Variants in XCR1 observed in about 807,000 individuals in gnomAD.
XCR1 encodes the protein X-C motif chemokine receptor 1.
For synonymous variants in XCR1, 187 were observed against 188.5 expected (o/e 0.99, Z 0.06); for missense variants, 356 against 424.2 (o/e 0.84, Z 1.41).
chr3:46,038,308 G>A (rs1450171067), intron 5 of XCR1, among the ~76,000 whole-genome samples: 1 of 152,050 alleles, frequency 6.6e-6, no homozygotes, highest in Non-Finnish European at 1.5e-5. Context: ...ATGAACCACC[G>A]TGCCTGGCCG....
At chr3:46,083,703 GT>G (rs1698419557) in intron 1 of XCR1, among the ~76,000 whole-genome samples, 1 of 152,222 alleles carries the variant, frequency 6.6e-6, no homozygotes, top group Non-Finnish European at 1.5e-5. Flanking sequence ...GACTAAGGTT[GT>G]GCTAGACAAT....
upstream of XCR1, among the ~76,000 whole-genome samples, chr3:46,028,298 G>A (rs1314425335): frequency 6.6e-6 from 1 of 152,166 alleles, no homozygotes; most frequent in Non-Finnish European, 1.5e-5. Flanking sequence ...AGCTGCAACA[G>A]TAGGAGACAG....
Position 46,074,617 on chromosome 3 carries a change from TA to T in XCR1, c.-263+33del, listed in dbSNP as rs530131780. 1.7e-3 allele frequency among the ~76,000 whole-genome samples: 256 copies of T among 152,086 alleles called. 2 individuals are homozygous for T. The highest frequency in any genetic ancestry group is 5.8e-3 in the African/African-American group (240 of 41,480). On this transcript the variant is annotated intron_variant, in intron 3 of 5. Transcript: ENST00000683768. Reference sequence around the variant, plus strand: ...AATTGTACCACTTAAATTTATATTTTAAAAAAAATCATAAGGAAGAAAAATA... The same window carrying T: ...AATTGTACCACTTAAATTTATATTTTAAAAAAATCATAAGGAAGAAAAATA...
At chr3:46,056,636 G>T (rs565484072) in intron 4 of XCR1, among the ~76,000 whole-genome samples, 1 of 146,312 alleles carries the variant, frequency 6.8e-6, no homozygotes, top group Admixed American at 7.0e-5. Flanking sequence ...ACCACACCTG[G>T]CTAATTTTTG....
chr3:46,051,237 C>T (rs1697738081), intron 5 of XCR1, among the ~76,000 whole-genome samples: 1 of 152,164 alleles, frequency 6.6e-6, no homozygotes, highest in African/African-American at 2.4e-5. Context: ...TCATGTTCTT[C>T]AACATTTTAA....
chr3:46,076,412 A>C (rs192408525), intron 2 of XCR1, among the ~76,000 whole-genome samples: 9 of 152,174 alleles, frequency 5.9e-5, no homozygotes, highest in African/African-American at 2.2e-4. Context: ...CTGGCCCCAC[A>C]TTGGCTCAAG....
intron 5 of XCR1, among the ~76,000 whole-genome samples, chr3:46,040,185 T>G (rs1176873445): frequency 6.6e-6 from 1 of 152,118 alleles, no homozygotes. Flanking sequence ...CCTTTTTTAT[T>G]AGGTCTTACT....
At chr3:46,032,985 T>C (rs952589784) in intron 5 of XCR1, among the ~76,000 whole-genome samples, 1 of 152,240 alleles carries the variant, frequency 6.6e-6, no homozygotes, top group African/African-American at 2.4e-5. Flanking sequence ...TGTTTTCTTA[T>C]CATTGAGTTC....
At chr3:46,041,145 A>G (rs1697531230) in intron 5 of XCR1, among the ~76,000 whole-genome samples, 3 of 152,166 alleles carry the variant, frequency 2.0e-5, no homozygotes, top group South Asian at 2.1e-4. Flanking sequence ...GAATTTGTAA[A>G]CTATTTGTGA....
chr3:46,041,294 A>C lies in XCR1; in HGVS notation c.-32+12626T>G, dbSNP rs1697532900. The stretch of plus-strand genomic sequence containing the variant: ...AATGGCCTTGCGAGAGGTTCCAGCA[A>C]AGCCAATTTAGGAGAGCCTATGTGG... On this transcript the variant is annotated intron_variant, in intron 5 of 5. Coordinates refer to the XCR1 transcript ENST00000683768. Among the ~76,000 whole-genome samples the C allele has an allele frequency of 3.9e-5, 6 of 152,306 alleles. No individual in the cohort carries two copies. The South Asian group carries it at 1.0e-3, about 26-fold the overall frequency.
intron 1 of XCR1, among the ~76,000 whole-genome samples, chr3:46,078,904 G>C (rs1259524071): frequency 6.6e-6 from 1 of 152,202 alleles, no homozygotes; most frequent in African/African-American, 2.4e-5. Flanking sequence ...CTCACCACAA[G>C]AACGTTTTTT....
intron 5 of XCR1, among the ~76,000 whole-genome samples, chr3:46,050,594 A>G (rs1320611285): frequency 1.3e-5 from 2 of 152,190 alleles, no homozygotes; most frequent in South Asian, 2.1e-4. Context: ...ACGCAGTGGG[A>G]AACATATTTT....
chr3:46,077,113 C>T (rs181903061), intron 1 of XCR1, among the ~76,000 whole-genome samples: 3 of 152,224 alleles, frequency 2.0e-5, no homozygotes, highest in Admixed American at 2.0e-4. Flanking sequence ...TGCCATATAC[C>T]ATAATCATGG....
chr3:46,071,719 T>C (rs1412826161), intron 3 of XCR1, among the ~76,000 whole-genome samples: 1 of 152,126 alleles, frequency 6.6e-6, no homozygotes, highest in Non-Finnish European at 1.5e-5. Context: ...CATATGATCA[T>C]CTCAATAGAT....
At chr3:46,027,948 A>G (rs1343807433), upstream of XCR1, among the ~76,000 whole-genome samples, 2 of 152,166 alleles carry the variant, frequency 1.3e-5, no homozygotes, top group South Asian at 2.1e-4. Flanking sequence ...TCTCAGTCCA[A>G]GCTTTCACTT....
chr3:46,054,968 A>G (rs1697827517), intron 4 of XCR1, among the ~76,000 whole-genome samples: 1 of 152,150 alleles, frequency 6.6e-6, no homozygotes, highest in Admixed American at 6.6e-5. Context: ...GAAATCGATC[A>G]CTGGTGGAAT....
At chr3:46,066,338 G>T (rs978423182) in intron 4 of XCR1, among the ~76,000 whole-genome samples, 1 of 152,076 alleles carries the variant, frequency 6.6e-6, no homozygotes, top group Admixed American at 6.5e-5. Flanking sequence ...TCCACCTCCC[G>T]GGTTCAAGCG....
At chr3:46,023,508 C>G in intron 1 of XCR1, 7 of 1,569,046 alleles carry the variant, frequency 4.5e-6, no homozygotes, top group Non-Finnish European at 6.1e-6. Flanking sequence ...TCCTCCTCAT[C>G]CAAGAGAGAT....
chr3:46,051,364 C>T (rs1438991840), intron 5 of XCR1, among the ~76,000 whole-genome samples: 1 of 152,180 alleles, frequency 6.6e-6, no homozygotes, highest in African/African-American at 2.4e-5. Context: ...ACATGACTGT[C>T]CATCCAGACC....
Sources: allele counts gnomAD v4.1 joint callset (sites outside exome capture counted in the v4.1 genomes callset), GRCh38; gene constraint gnomAD v4.1.1; transcripts MANE v1.5; gene names NCBI Gene and HGNC (gene_info 2026-07-23, HGNC 2026-07-21).